The following TUSC3 variants were observed in gnomAD, a reference collection of about 807,000 sequenced individuals.
The protein encoded by TUSC3 is tumor suppressor candidate 3.
In TUSC3, 45 loss-of-function variants were observed where a neutral mutation model predicts 44.8. The ratio of observed to expected loss-of-function variants is 1.00; its 90% CI spans 0.79 to 1.29. The LOEUF (loss-of-function observed/expected upper bound fraction) is 1.29, where lower values mean the gene tolerates loss of function less well. TUSC3 is among the 50% of genes most tolerant of loss of function. The pLI is 0.00. For synonymous variants in TUSC3, 212 were observed against 152.9 expected (o/e 1.39, Z -2.85); for missense variants, 519 against 437.9 (o/e 1.19, Z -1.65).
chr8:15,738,686 T>C (rs1489967608), intron 7 of TUSC3, among the ~76,000 whole-genome samples: 1 of 152,124 alleles, frequency 6.6e-6, no homozygotes, highest in African/African-American at 2.4e-5. Context: ...ACAGTTACTG[T>C]TTTTATCTTT....
chr8:15,617,781 A>G (rs977498354), intron 1 of TUSC3, among the ~76,000 whole-genome samples: 3 of 152,114 alleles, frequency 2.0e-5, no homozygotes, highest in Non-Finnish European at 2.9e-5. Context: ...TTTGGTTTTT[A>G]TTTTGAAACC....
At chr8:15,582,263 C>G (rs1023303357) in intron 1 of TUSC3, among the ~76,000 whole-genome samples, 3 of 152,172 alleles carry the variant, frequency 2.0e-5, no homozygotes, top group Non-Finnish European at 4.4e-5. Context: ...AGAAATCACC[C>G]GTCTTCTGGG....
At chr8:15,590,839 T>C (rs1803803654) in intron 1 of TUSC3, among the ~76,000 whole-genome samples, 1 of 151,618 alleles carries the variant, frequency 6.6e-6, no homozygotes, top group South Asian at 2.1e-4. Flanking sequence ...GCCTGGCTAA[T>C]TTTTTTGTAT....
chr8:15,618,898 A>G (rs1391835435), intron 1 of TUSC3, among the ~76,000 whole-genome samples: 2 of 152,116 alleles, frequency 1.3e-5, no homozygotes, highest in African/African-American at 4.8e-5. Flanking sequence ...CAGCCCCATT[A>G]TAATCTTATG....
chr8:15,830,816 T>C, the TUSC3 span, among the ~76,000 whole-genome samples: 1 of 152,158 alleles, frequency 6.6e-6, no homozygotes, highest in Non-Finnish European at 1.5e-5. Context: ...TATTTACTAT[T>C]CAGGTGATGG....
chr8:15,438,596 C>G (rs774629218), intron 1 of TUSC3, among the ~76,000 whole-genome samples: 4 of 152,256 alleles, frequency 2.6e-5, no homozygotes, highest in Non-Finnish European at 5.9e-5. Flanking sequence ...ATGGGACCAC[C>G]TTTGCTCAGC....
intron 2 of TUSC3, among the ~76,000 whole-genome samples, chr8:15,521,227 C>T (rs1801293109): frequency 1.3e-5 from 2 of 152,234 alleles, no homozygotes; most frequent in South Asian, 4.2e-4. Flanking sequence ...TCCAGATAGC[C>T]TCTGGGATGC....
intron 6 of TUSC3, among the ~76,000 whole-genome samples, chr8:15,715,345 T>C (rs1014785506): frequency 6.6e-6 from 1 of 152,188 alleles, no homozygotes; most frequent in Non-Finnish European, 1.5e-5. Flanking sequence ...GGATGTGGTC[T>C]GTGGTCTGTC....
At chr8:15,794,816 ACGTCTCTCCTTTG>A in the TUSC3 span, among the ~76,000 whole-genome samples, 1 of 152,160 alleles carries the variant, frequency 6.6e-6, no homozygotes, top group Non-Finnish European at 1.5e-5. Flanking sequence ...GACAGCAAAT[ACGTCTCTCCTTTG>A]CTCTAGAGAG....
intron 1 of TUSC3, among the ~76,000 whole-genome samples, chr8:15,419,029 T>C (rs766446172): frequency 1.3e-5 from 2 of 151,986 alleles, no homozygotes; most frequent in Non-Finnish European, 2.9e-5. Context: ...AAAAAAGAAT[T>C]AAAGGTTAAA....
In TUSC3 at chr8:15,764,350, G is replaced by C; in HGVS notation, c.*194G>C. On this transcript the variant is annotated 3_prime_UTR_variant, in exon 11 of 11. Transcript: ENST00000503731. ...CTTGTGTACTTTTTTTAAACTGTGGGTTTTCCTAGTAAATTTAATTTACAG... is the reference window on the plus strand; with the variant it reads ...CTTGTGTACTTTTTTTAAACTGTGGCTTTTCCTAGTAAATTTAATTTACAG... 1.1e-6 allele frequency: 1 copy of C among 893,182 alleles called. No individual in the cohort carries two copies. 55.3% of individuals were successfully genotyped at this position (893,182 alleles called of 1,614,324 possible). A position where few individuals can be genotyped will look rare whatever the true frequency, so the allele number is the denominator to read the frequency against.
the TUSC3 span, among the ~76,000 whole-genome samples, chr8:15,798,174 T>A: frequency 3.5e-3 from 532 of 152,288 alleles, 3 homozygotes; most frequent in African/African-American, 0.012. Flanking sequence ...ATATAACACA[T>A]CAGTGTCTAC....
chr8:15,566,147 T>C (rs568037960), intron 1 of TUSC3, among the ~76,000 whole-genome samples: 22 of 152,294 alleles, frequency 1.4e-4, no homozygotes, highest in Non-Finnish European at 3.2e-4. Context: ...TAGACAACGT[T>C]ATCAGAAGAT....
chr8:15,475,015 C>T (rs1012667785), intron 1 of TUSC3, among the ~76,000 whole-genome samples: 1 of 152,034 alleles, frequency 6.6e-6, no homozygotes, highest in African/African-American at 2.4e-5. Flanking sequence ...ATTACCTTTC[C>T]AAATGTTTTG....
chr8:15,514,164 A>T (rs1252264585), intron 2 of TUSC3, among the ~76,000 whole-genome samples: 1 of 152,162 alleles, frequency 6.6e-6, no homozygotes, highest in Non-Finnish European at 1.5e-5. Flanking sequence ...ACGCCGCATT[A>T]TTTAAGGGAG....
intron 3 of TUSC3, among the ~76,000 whole-genome samples, chr8:15,658,049 C>T (rs1807253827): frequency 6.6e-6 from 1 of 152,160 alleles, no homozygotes; most frequent in Non-Finnish European, 1.5e-5. Context: ...GCCTAATCAC[C>T]TCCTAAAGCT....
chr8:15,436,953 A>G (rs1799955339), intron 1 of TUSC3, among the ~76,000 whole-genome samples: 1 of 152,222 alleles, frequency 6.6e-6, no homozygotes, highest in Admixed American at 6.5e-5. Flanking sequence ...TAAGCAAATT[A>G]GAATTTATAG....
At chr8:15,545,087 A>G (rs906483234) in intron 1 of TUSC3, among the ~76,000 whole-genome samples, 1 of 151,788 alleles carries the variant, frequency 6.6e-6, no homozygotes, top group African/African-American at 2.4e-5. Flanking sequence ...ATATTTTAAA[A>G]CAAGGAAATT....
At chr8:15,529,794 T>TG (rs1290529455) in intron 2 of TUSC3, among the ~76,000 whole-genome samples, 6 of 141,122 alleles carry the variant, frequency 4.3e-5, no homozygotes, top group South Asian at 2.3e-4. Flanking sequence ...AAAAGTTTTT[T>TG]TTTTTTTTTT....
Sources: gnomAD v4.1 joint callset for allele counts (sites outside exome capture counted in the v4.1 genomes callset) on GRCh38, gnomAD v4.1.1 for gene constraint, MANE v1.5 for transcripts, NCBI Gene and HGNC (gene_info 2026-07-23, HGNC 2026-07-21) for gene names.